NSD1: variants seen among roughly 807,000 people sequenced by gnomAD.
NSD1 encodes histone-lysine N-methyltransferase, H3 lysine-36 specific.
In NSD1, 26 loss-of-function variants were observed where a neutral mutation model predicts 242.7. The observed-to-expected ratio is 0.11, with a 90% CI of 0.08 to 0.15. The LOEUF is 0.15. NSD1 is among the 10% of genes least tolerant of loss of function. NSD1 has a pLI of 1.00. For missense variants in NSD1, 2,495 were observed against 3,272.8 expected, an observed-to-expected ratio of 0.76 and a Z score of 5.80; for synonymous variants, 1,106 against 1,178.1, an observed-to-expected ratio of 0.94 and a Z score of 1.25.
intron 2 of NSD1, among the ~76,000 whole-genome samples, chr5:177,165,553 T>A (rs1759114499): frequency 6.6e-6 from 1 of 152,086 alleles, no homozygotes; most frequent in African/African-American, 2.4e-5. Context: ...GATTCGCAAA[T>A]TTTTTTCCCC....
At chr5:177,232,843 G>A (rs1765161531) in intron 5 of NSD1, among the ~76,000 whole-genome samples, 1 of 152,210 alleles carries the variant, frequency 6.6e-6, no homozygotes, top group Admixed American at 6.5e-5. Flanking sequence ...CAGAAAGTAA[G>A]TCAGGCTCTT....
At chr5:177,186,449 G>A (rs77563014) in intron 2 of NSD1, among the ~76,000 whole-genome samples, 3,855 of 151,976 alleles carry the variant, frequency 0.025, 48 homozygotes, top group African/African-American at 0.029. Context: ...TAGTTGAACC[G>A]GTTTAGGTTT....
In NSD1 at chr5:177,157,278, A is replaced by G. The variant is rs552521794; in HGVS notation, c.927+21248A>G. Among the ~76,000 whole-genome samples, 9 of 152,166 alleles carry G rather than the reference A, an allele frequency of 5.9e-5. 1 individual carries two copies. The highest frequency in any genetic ancestry group is 1.9e-4 in the African/African-American group (8 of 41,546). ...CTACTCGGGAGGCTGAGGTAGGAGAATTGCTTGAACCTGAGAGGTGGAGGT... is the reference window on the plus strand; with the variant it reads ...CTACTCGGGAGGCTGAGGTAGGAGAGTTGCTTGAACCTGAGAGGTGGAGGT... On this transcript the variant is annotated intron_variant, in intron 2 of 22. Coordinates refer to ENST00000439151, the MANE Select transcript of NSD1 (RefSeq NM_022455.5).
chr5:177,186,034 TTA>T (rs1156233043), intron 2 of NSD1, among the ~76,000 whole-genome samples: 56 of 103,076 alleles, frequency 5.4e-4, no homozygotes, highest in African/African-American at 1.8e-3. Flanking sequence ...TATATATTTT[TTA>T]TATATATAAT....
At chr5:177,158,189 T>C (rs1416301521) in intron 2 of NSD1, among the ~76,000 whole-genome samples, 4 of 152,188 alleles carry the variant, frequency 2.6e-5, no homozygotes, top group East Asian at 1.9e-4. Context: ...CTGTTTTACA[T>C]AGTGGTTGCA....
intron 12 of NSD1, among the ~76,000 whole-genome samples, chr5:177,253,049 G>T (rs930511889): frequency 1.7e-4 from 26 of 152,112 alleles, no homozygotes; most frequent in Admixed American, 6.6e-4. Flanking sequence ...CAGGAGTCAG[G>T]TGTTATCTGT....
chr5:177,257,827 A>ATTTTT (rs1423491046), intron 13 of NSD1, among the ~76,000 whole-genome samples: 1 of 147,094 alleles, frequency 6.8e-6, no homozygotes. Flanking sequence ...TTTTTATTTT[A>ATTTTT]TTTTATTTTA....
At chr5:177,145,565 C>T (rs1757168692) in intron 2 of NSD1, among the ~76,000 whole-genome samples, 1 of 152,148 alleles carries the variant, frequency 6.6e-6, no homozygotes, top group Non-Finnish European at 1.5e-5. Context: ...CGAATATTTT[C>T]TTATTATGAA....
At chr5:177,236,766 A>G (rs1263188862) in intron 6 of NSD1, among the ~76,000 whole-genome samples, 1 of 152,244 alleles carries the variant, frequency 6.6e-6, no homozygotes, top group African/African-American at 2.4e-5. Flanking sequence ...TATATCAGAG[A>G]TGATAATGTG....
chr5:177,239,228 TA>T (rs1765671579), intron 7 of NSD1, among the ~76,000 whole-genome samples: 1 of 152,210 alleles, frequency 6.6e-6, no homozygotes, highest in Non-Finnish European at 1.5e-5. Flanking sequence ...TTGGGTATAA[TA>T]AAAAAGATTT....
intron 13 of NSD1, 118 bp from the exon 14 acceptor site, chr5:177,259,871 C>T: frequency 2.7e-6 from 3 of 1,091,454 alleles, no homozygotes; most frequent in Non-Finnish European, 4.1e-6. Flanking sequence ...TCTTAGTGGT[C>T]ATTCCTTCTA....
chr5:177,261,618 G>C (rs1757006999), intron 14 of NSD1, among the ~76,000 whole-genome samples: 2 of 151,964 alleles, frequency 1.3e-5, no homozygotes, highest in African/African-American at 4.8e-5. Flanking sequence ...TCTCTGCTTT[G>C]AGGCATCATT....
chr5:177,288,635 C>A (rs1008659284), intron 20 of NSD1, 184 bp from the exon 21 acceptor site: 1 of 556,604 alleles, frequency 1.8e-6, no homozygotes, highest in Admixed American at 3.1e-5. Context: ...TTTAAGTTTT[C>A]TCTGTTAAAT....
chr5:177,257,837 A>T lies in NSD1; in HGVS notation c.4966+686A>T, dbSNP rs796687205. The stretch of plus-strand genomic sequence containing the variant: ...CTTTTTTTTTATTTTATTTTATTTT[A>T]TTTTATTTTTTTTTGAGACGGAGTC... On this transcript the variant is annotated intron_variant, in intron 13 of 22. Coordinates refer to ENST00000439151, the MANE Select transcript of NSD1 (RefSeq NM_022455.5). 4.7e-3 allele frequency among the ~76,000 whole-genome samples: 623 copies of T among 132,564 alleles called. 6 individuals carry two copies. Among genetic ancestry groups the T allele is most frequent in the African/African-American group, 0.014 (481 of 35,622 alleles). The allele number at this position is 132,564 out of a possible 152,430, so 87.0% of individuals were successfully genotyped here.
At chr5:177,232,500 CAG>C (rs1025201210) in intron 5 of NSD1, among the ~76,000 whole-genome samples, 1 of 152,174 alleles carries the variant, frequency 6.6e-6, no homozygotes, top group Non-Finnish European at 1.5e-5. Flanking sequence ...AGGAACACAG[CAG>C]AGTTTATTCA....
At chr5:177,150,642 C>G (rs1474448647) in intron 2 of NSD1, among the ~76,000 whole-genome samples, 1 of 152,006 alleles carries the variant, frequency 6.6e-6, no homozygotes, top group Non-Finnish European at 1.5e-5. Context: ...AAGATAAAAT[C>G]TATTTTAGAG....
At chr5:177,167,637 G>T (rs1759322636) in intron 2 of NSD1, among the ~76,000 whole-genome samples, 2 of 151,976 alleles carry the variant, frequency 1.3e-5, no homozygotes, top group Non-Finnish European at 2.9e-5. Flanking sequence ...CACTGTTTTT[G>T]ATTACTGTAG....
intron 2 of NSD1, among the ~76,000 whole-genome samples, chr5:177,159,682 G>A (rs980384457): frequency 2.0e-5 from 3 of 147,744 alleles, no homozygotes; most frequent in Non-Finnish European, 4.5e-5. Context: ...CGCAACCTCC[G>A]CCTCCCACGT....
rs544317310 is a variant in NSD1 at position 177,282,539 on chromosome 5, A to G, written c.5967A>G (p.Gln1989=). The stretch of plus-strand genomic sequence containing the variant: ...GCAGAGCTCGAATTCGCTATGCTCA[A>G]GAACATGATATCACTAATTTCTATA... ...EECRARIRYA[Q]EHDITNFYML... The change falls in exon 19 of 23, where the codon CAA becomes CAG. Residue 1989 remains glutamine (Q), a synonymous_variant. Coordinates refer to ENST00000439151, the MANE Select transcript of NSD1 (RefSeq NM_022455.5). The G allele has an allele frequency of 2.5e-5, 41 of 1,613,620 alleles. No individual in the cohort carries two copies. In the East Asian group the frequency reaches 2.9e-4, roughly 11 times the overall value.
Sources: allele counts gnomAD v4.1 joint callset (sites outside exome capture counted in the v4.1 genomes callset), GRCh38; gene constraint gnomAD v4.1.1; transcripts MANE v1.5; gene names NCBI Gene and HGNC (gene_info 2026-07-23, HGNC 2026-07-21).